ITPR1: variants seen among roughly 807,000 people sequenced by gnomAD.
The protein encoded by ITPR1 is inositol 1,4,5-trisphosphate receptor type 1, also known as inositol 1,4,5-trisphosphate-gated calcium channel ITPR1.
A neutral mutation model predicts 318.4 loss-of-function variants in ITPR1; 96 were observed. That is an observed-to-expected ratio of 0.30 (90% CI 0.26 to 0.36). ITPR1 has a LOEUF of 0.36. Ranked by LOEUF, ITPR1 falls within the 10% of genes least tolerant of loss-of-function variation. The probability of loss-of-function intolerance (pLI) is 1.00; values close to 1 mark genes in which losing one functional copy is unlikely to be tolerated. For missense variants in ITPR1, 2,440 were observed against 3,460.2 expected, an observed-to-expected ratio of 0.71 and a Z score of 7.40; for synonymous variants, 1,312 against 1,289.9, an observed-to-expected ratio of 1.02 and a Z score of -0.37.
chr3:4,525,462 G>GTT (rs1468520243), intron 4 of ITPR1, among the ~76,000 whole-genome samples: 1 of 152,134 alleles, frequency 6.6e-6, no homozygotes, highest in Non-Finnish European at 1.5e-5. Context: ...TTGTGTGTGT[G>GTT]TGTGATTTCC....
At chr3:4,654,745 T>C (rs2093668882) in intron 12 of ITPR1, among the ~76,000 whole-genome samples, 1 of 152,244 alleles carries the variant, frequency 6.6e-6, no homozygotes, top group Non-Finnish European at 1.5e-5. Context: ...GGCACTTTAA[T>C]GAAGGGAATT....
chr3:4,815,421 C>A (rs2049227808), intron 59 of ITPR1, among the ~76,000 whole-genome samples: 1 of 152,162 alleles, frequency 6.6e-6, no homozygotes, highest in Non-Finnish European at 1.5e-5. Flanking sequence ...TATTTACAGA[C>A]CTGGGTTCTG....
chr3:4,555,375 G>C (rs982092464), intron 4 of ITPR1, among the ~76,000 whole-genome samples: 1 of 152,124 alleles, frequency 6.6e-6, no homozygotes, highest in Non-Finnish European at 1.5e-5. Context: ...TATCTTTCCA[G>C]GATGTTTCCT....
chr3:4,579,793 G>C (rs1313764389), intron 4 of ITPR1, among the ~76,000 whole-genome samples: 5 of 152,194 alleles, frequency 3.3e-5, no homozygotes, highest in African/African-American at 1.2e-4. Context: ...CAGAGACTTT[G>C]TGGGACTGTT....
chr3:4,829,367 C>T (rs1362306026), intron 60 of ITPR1, among the ~76,000 whole-genome samples: 3 of 152,110 alleles, frequency 2.0e-5, no homozygotes, highest in African/African-American at 7.2e-5. Flanking sequence ...AGTCACTGTA[C>T]TTTTGGGACA....
At chr3:4,660,030 A>G (rs1288513219) in intron 13 of ITPR1, among the ~76,000 whole-genome samples, 1 of 152,218 alleles carries the variant, frequency 6.6e-6, no homozygotes, top group African/African-American at 2.4e-5. Context: ...GGATTGGTAG[A>G]TGAAATTATA....
chr3:4,553,247 G>A (rs1358724233), intron 4 of ITPR1, among the ~76,000 whole-genome samples: 1 of 152,074 alleles, frequency 6.6e-6, no homozygotes, highest in Non-Finnish European at 1.5e-5. Context: ...TGAGGGTTGG[G>A]ATAGAGGGGT....
At chr3:4,612,381 A>G (rs2092182678) in intron 4 of ITPR1, among the ~76,000 whole-genome samples, 1 of 152,052 alleles carries the variant, frequency 6.6e-6, no homozygotes, top group South Asian at 2.1e-4. Flanking sequence ...GGCACTTTTG[A>G]GCATCTGTGG....
At chr3:4,786,942 C>CT (rs1334660203) in intron 51 of ITPR1, among the ~76,000 whole-genome samples, 1 of 152,172 alleles carries the variant, frequency 6.6e-6, no homozygotes, top group Admixed American at 6.5e-5. Context: ...ATGTTACTAT[C>CT]TGAGAAAGTG....
chr3:4,607,929 C>G (rs2091817272), intron 4 of ITPR1, among the ~76,000 whole-genome samples: 1 of 152,102 alleles, frequency 6.6e-6, no homozygotes, highest in Admixed American at 6.5e-5. Flanking sequence ...TTGATTATGT[C>G]TACACCTTAG....
intron 45 of ITPR1, among the ~76,000 whole-genome samples, chr3:4,768,072 A>G (rs1407584562): frequency 6.6e-6 from 1 of 152,172 alleles, no homozygotes; most frequent in East Asian, 1.9e-4. Context: ...AACACACACA[A>G]AGTTCTTCAT....
chr3:4,720,611 T>G (rs1336532417), intron 40 of ITPR1, among the ~76,000 whole-genome samples: 2 of 152,188 alleles, frequency 1.3e-5, no homozygotes, highest in Non-Finnish European at 2.9e-5. Flanking sequence ...ACTGCCTCCT[T>G]GGAACTGTGG....
At position 4,673,279 on chromosome 3, in the gene ITPR1, G is replaced by A. The variant is rs2125214049; in HGVS notation, c.2348G>A (p.Cys783Tyr). 6.2e-7 allele frequency: 1 copy of A among 1,613,920 alleles called. No individual in the cohort carries two copies. Among genetic ancestry groups the A allele is most frequent in the Non-Finnish European group, 8.5e-7 (1 of 1,179,854 alleles). Residue 783 changes from cysteine (C) to tyrosine (Y), a missense_variant, in exon 21 of 62, where the codon TGC (cysteine) becomes TAC (tyrosine). By Grantham distance (194) the Cys-to-Tyr change is radical (BLOSUM62 -2). This residue lies in a region of ITPR1 where 478 missense variants were observed against 696.3 expected (regional missense o/e 0.69). Coordinates refer to ENST00000649015, the MANE Select transcript of ITPR1 (RefSeq NM_001378452.1). ...CCCTATGACCTCAGGGCGTCCTTCTGCCGCCTCATGCTTCACATGCATGTG... is the reference window on the plus strand; with the variant it reads ...CCCTATGACCTCAGGGCGTCCTTCTACCGCCTCATGCTTCACATGCATGTG... Reference protein sequence around the residue: ...NLPYDLRASFCRLMLHMHVDR... With the variant: ...NLPYDLRASFYRLMLHMHVDR...
intron 4 of ITPR1, among the ~76,000 whole-genome samples, chr3:4,597,391 A>C (rs2090913892): frequency 6.6e-6 from 1 of 152,170 alleles, no homozygotes; most frequent in Non-Finnish European, 1.5e-5. Flanking sequence ...GTAAGGTTTT[A>C]TGGGGATTTG....
rs2050068871 is a variant in ITPR1, at chr3:4,826,255, A to G, written c.8028+8013A>G. 6.6e-6 allele frequency among the ~76,000 whole-genome samples: 1 copy of G among 152,224 alleles called. No homozygotes were observed. Among genetic ancestry groups the G allele is most frequent in the Non-Finnish European group, 1.5e-5 (1 of 68,044 alleles). The stretch of plus-strand genomic sequence containing the variant: ...AGGGAGTGCCTAGGTATGTTCCTAG[A>G]ATATTGATATTTCAACATTGGTAGT... On this transcript the variant is annotated intron_variant, in intron 60 of 61. Transcript: ENST00000649015. The surrounding 1 kb of genome is among the most constrained non-coding windows in gnomAD (Gnocchi z 4.2).
At chr3:4,570,683 G>T (rs1320302336) in intron 4 of ITPR1, among the ~76,000 whole-genome samples, 1 of 152,152 alleles carries the variant, frequency 6.6e-6, no homozygotes, top group African/African-American at 2.4e-5. Flanking sequence ...GTATAATCTA[G>T]ATTTTTCTTA....
chr3:4,729,622 G>A (rs17041308), intron 42 of ITPR1, among the ~76,000 whole-genome samples: 20,468 of 152,170 alleles, frequency 0.13, 1,450 homozygotes, highest in Non-Finnish European at 0.15. Flanking sequence ...CAGTTCATTC[G>A]CTTATTTAGT....
chr3:4,515,711 T>A (rs1235372205), intron 2 of ITPR1, among the ~76,000 whole-genome samples: 1 of 152,230 alleles, frequency 6.6e-6, no homozygotes, highest in Non-Finnish European at 1.5e-5. Flanking sequence ...AGAGATTTCC[T>A]GAGACTTAAG....
At position 4,670,939 on chromosome 3, in the gene ITPR1, CGT is replaced by C. The variant is rs764199758; in HGVS notation, c.2204+17_2204+18del. The C allele has an allele frequency of 3.3e-6, 5 of 1,520,942 alleles. No individual in the cohort carries two copies. In the African/African-American group the frequency reaches 6.9e-5, roughly 21 times the overall value. 94.2% of individuals were successfully genotyped at this position (1,520,942 alleles called of 1,614,324 possible). Reference sequence around the variant, plus strand: ...TCAGCTACTACAGGTGCGTGGGACACGTGTGGGGCTCAGATTGGGGTGCCCCA... The same window carrying C: ...TCAGCTACTACAGGTGCGTGGGACACGTGGGGCTCAGATTGGGGTGCCCCA... On this transcript the variant is annotated intron_variant, in intron 20 of 61. Transcript: ENST00000649015.
Sources: allele counts gnomAD v4.1 joint callset (sites outside exome capture counted in the v4.1 genomes callset), GRCh38; gene constraint gnomAD v4.1.1; regional missense constraint gnomAD v4.1.1; non-coding constraint Gnocchi (gnomAD v3.1); transcripts MANE v1.5; gene names NCBI Gene and HGNC (gene_info 2026-07-23, HGNC 2026-07-21).